Variants in SLC27A6 observed in about 807,000 individuals in gnomAD.
SLC27A6 encodes solute carrier family 27 member 6.
A neutral mutation model predicts 63.9 loss-of-function variants in SLC27A6; 74 were observed. The observed-to-expected ratio is 1.16, with a 90% CI of 0.96 to 1.40. SLC27A6 has a LOEUF of 1.40. Among genes scored for constraint, SLC27A6 ranks in the 40% most tolerant of loss-of-function variants. SLC27A6 has a pLI of 0.00. For synonymous variants in SLC27A6, 287 were observed against 260.8 expected, an observed-to-expected ratio of 1.10 and a Z score of -0.97; for missense variants, 794 against 732.9, an observed-to-expected ratio of 1.08 and a Z score of -0.96.
intron 4 of SLC27A6, among the ~76,000 whole-genome samples, chr5:128,994,684 T>C (rs1751095161): frequency 6.6e-6 from 1 of 152,184 alleles, no homozygotes; most frequent in Admixed American, 6.5e-5. Context: ...AGCAAAACCA[T>C]GTGGTTTTAA....
chr5:128,997,356 C>T (rs1460374445), intron 4 of SLC27A6, among the ~76,000 whole-genome samples: 1 of 151,700 alleles, frequency 6.6e-6, no homozygotes, highest in African/African-American at 2.4e-5. Context: ...CTTTCAAAAC[C>T]CAGTTTTCCT....
chr5:129,011,539 A>C lies in SLC27A6; in HGVS notation c.970-4346A>C, dbSNP rs142205190. Among the ~76,000 whole-genome samples, 17 of 152,326 alleles carry C rather than the reference A, an allele frequency of 1.1e-4. No individual in the cohort carries two copies. In the East Asian group the frequency reaches 3.3e-3, roughly 29 times the overall value. ...TGCTTGACTGGCTCACCATATTTCCATAAAACTGGTTAGTAAGGAAAGAAT... is the reference window on the plus strand; with the variant it reads ...TGCTTGACTGGCTCACCATATTTCCCTAAAACTGGTTAGTAAGGAAAGAAT... On this transcript the variant is annotated intron_variant, in intron 4 of 9. Transcript: ENST00000262462.
At chr5:128,996,894 G>A (rs1193097208) in intron 4 of SLC27A6, among the ~76,000 whole-genome samples, 1 of 152,090 alleles carries the variant, frequency 6.6e-6, no homozygotes, top group Non-Finnish European at 1.5e-5. Context: ...GTTACTTTTT[G>A]AATGGGACCA....
rs1268453204 is a variant in SLC27A6, at chr5:129,015,708, G to A, written c.970-177G>A. ...ACACAAACTGTATTATTCTTGACCA[G>A]TGTTACTTTCATTAGGATTTGGACA... On this transcript the variant is annotated intron_variant, in intron 4 of 9. Coordinates refer to ENST00000262462, the MANE Select transcript of SLC27A6 (RefSeq NM_001017372.3). 6.6e-5 allele frequency among the ~76,000 whole-genome samples: 10 copies of A among 152,140 alleles called. No individual in the cohort carries two copies. The East Asian group carries it at 1.9e-3, about 29-fold the overall frequency.
chr5:129,009,376 T>A (rs964779848), intron 4 of SLC27A6, among the ~76,000 whole-genome samples: 2 of 152,142 alleles, frequency 1.3e-5, no homozygotes, highest in Admixed American at 6.5e-5. Context: ...TTAACTGTCG[T>A]CTACCTGGCT....
At chr5:128,991,018 G>A (rs1023783176) in intron 4 of SLC27A6, among the ~76,000 whole-genome samples, 1 of 152,198 alleles carries the variant, frequency 6.6e-6, no homozygotes, top group African/African-American at 2.4e-5. Context: ...AGAGTATGCA[G>A]TTGCAAGATT....
intron 1 of SLC27A6, among the ~76,000 whole-genome samples, chr5:128,967,540 C>A (rs1749952228): frequency 1.3e-5 from 2 of 152,100 alleles, no homozygotes; most frequent in South Asian, 4.1e-4. Flanking sequence ...AGTTTTTAAA[C>A]TCACAGAACA....
chr5:129,007,464 A>AAT, intron 4 of SLC27A6, among the ~76,000 whole-genome samples: 1 of 84,152 alleles, frequency 1.2e-5, no homozygotes, highest in Non-Finnish European at 3.3e-5. Context: ...AAAAAAAAAA[A>AAT]ATATAATGTT....
Position 129,027,579 on chromosome 5 carries a change from A to G in SLC27A6, c.1454+248A>G, listed in dbSNP as rs1752286325. Among the ~76,000 whole-genome samples the G allele has an allele frequency of 2.0e-5, 3 of 152,138 alleles. No homozygotes were observed. The South Asian group carries it at 6.2e-4, about 31-fold the overall frequency. On this transcript the variant is annotated intron_variant, in intron 7 of 9. Transcript: ENST00000262462. ...AATCAGTGAGCTCCTTTTTAAGGAA[A>G]TAAAACTGGCAGACAGATGTAAAAT... is the stretch of plus-strand genomic sequence containing the variant.
In SLC27A6 at chr5:128,985,145, C is replaced by T. The variant is rs751633409; in HGVS notation, c.494C>T (p.Thr165Met). ...CTTTGGCTTTTAGATTTGCTTGGAACGGTAGAAGAAATCCTTCCAAGCCTC... is the reference window on the plus strand; with the variant it reads ...CTTTGGCTTTTAGATTTGCTTGGAATGGTAGAAGAAATCCTTCCAAGCCTC... ...ALVVGADLLG[T>M]VEEILPSLSE... The change falls in exon 2 of 10, where the codon ACG (threonine) becomes ATG (methionine). Residue 165 changes from threonine (T) to methionine (M), a missense_variant. By Grantham distance (81) the Thr-to-Met change is moderately conservative. Coordinates refer to ENST00000262462, the MANE Select transcript of SLC27A6 (RefSeq NM_001017372.3). 4.3e-5 allele frequency: 70 copies of T among 1,612,858 alleles called. 1 individual carries two copies. Among genetic ancestry groups the T allele is most frequent in the South Asian group, 2.1e-4 (19 of 90,996 alleles).
intron 5 of SLC27A6, among the ~76,000 whole-genome samples, chr5:129,017,810 T>C (rs996342586): frequency 6.6e-6 from 1 of 152,188 alleles, no homozygotes; most frequent in Non-Finnish European, 1.5e-5. Context: ...AGAATTATTT[T>C]ATCACACTAA....
At chr5:128,983,289 G>GT (rs1195794733) in intron 1 of SLC27A6, among the ~76,000 whole-genome samples, 5,451 of 110,952 alleles carry the variant, frequency 0.049, 571 homozygotes, top group African/African-American at 0.17. Flanking sequence ...TCTGATCCGG[G>GT]TTTTTTTTTT....
chr5:129,015,202 T>TA (rs539663801), intron 4 of SLC27A6, among the ~76,000 whole-genome samples: 22 of 152,302 alleles, frequency 1.4e-4, no homozygotes, highest in Middle Eastern at 3.4e-3. Flanking sequence ...TCATGTTAGT[T>TA]AAAACATTAC....
intron 1 of SLC27A6, among the ~76,000 whole-genome samples, chr5:128,970,260 A>G (rs1219794188): frequency 6.6e-6 from 1 of 152,174 alleles, no homozygotes; most frequent in African/African-American, 2.4e-5. Flanking sequence ...CTTTGGTATC[A>G]GGATGATGTT....
rs200204402 is a variant in SLC27A6, at chr5:128,972,632, CCT to C, written c.481+6019_481+6020del. Among the ~76,000 whole-genome samples, 1,511 of 152,276 alleles carry C rather than the reference CCT, an allele frequency of 9.9e-3. 15 individuals carry two copies. The highest frequency in any genetic ancestry group is 0.016 in the Admixed American group (249 of 15,294). On this transcript the variant is annotated intron_variant, in intron 1 of 9. Coordinates refer to ENST00000262462, the MANE Select transcript of SLC27A6 (RefSeq NM_001017372.3). Reference sequence around the variant, plus strand: ...TCAGCTCCATCATGTCATTTAAAGTCCTCTCTATGCTGTTTATTCTAATTAGC... The same window carrying C: ...TCAGCTCCATCATGTCATTTAAAGTCCTCTATGCTGTTTATTCTAATTAGC...
Position 129,033,382 on chromosome 5 carries a change from G to T in SLC27A6, c.*100G>T. ...GGGAAAGGGAGCTAACATTAATTAT[G>T]CATGTACTATATTTCCTTAATATGA... On this transcript the variant is annotated 3_prime_UTR_variant, in exon 10 of 10. Coordinates refer to ENST00000262462, the MANE Select transcript of SLC27A6 (RefSeq NM_001017372.3). 3.3e-6 allele frequency: 2 copies of T among 602,690 alleles called. No homozygotes were observed. Among genetic ancestry groups the T allele is most frequent in the South Asian group, 5.9e-5 (2 of 33,778 alleles). 37.3% of individuals were successfully genotyped at this position (602,690 alleles called of 1,614,324 possible). A position where few individuals can be genotyped will look rare whatever the true frequency, so the allele number is the denominator to read the frequency against.
At chr5:128,985,408 C>A in intron 2 of SLC27A6, 72 bp downstream of exon 2, 1 of 1,280,526 alleles carries the variant, frequency 7.8e-7, no homozygotes, top group South Asian at 1.2e-5. Context: ...GGGCAAATTT[C>A]TACCATGTGT....
rs748138027 is a variant in SLC27A6, at chr5:129,029,556, C to T, written c.1553-21C>T. On this transcript the variant is annotated intron_variant, in intron 8 of 9. Transcript: ENST00000262462. ...GTTTATTTGGTACTTAAAAATGACTCTATTTCAAACTTTTTTTCAGGTTAT... is the reference window on the plus strand; with the variant it reads ...GTTTATTTGGTACTTAAAAATGACTTTATTTCAAACTTTTTTTCAGGTTAT... The T allele has an allele frequency of 3.3e-6, 5 of 1,526,148 alleles. No individual in the cohort carries two copies. The South Asian group carries it at 6.1e-5, about 19-fold the overall frequency. The allele number at this position is 1,526,148 out of a possible 1,614,324, so 94.5% of individuals were successfully genotyped here. A position where few individuals can be genotyped will look rare whatever the true frequency, so the allele number is the denominator to read the frequency against.
chr5:128,970,135 G>A (rs2150126166), intron 1 of SLC27A6, among the ~76,000 whole-genome samples: 1 of 148,282 alleles, frequency 6.7e-6, no homozygotes, highest in East Asian at 1.9e-4. Flanking sequence ...TGGTGGATAA[G>A]CTTTTTGATG....
Sources: allele counts gnomAD v4.1 joint callset (sites outside exome capture counted in the v4.1 genomes callset), GRCh38; gene constraint gnomAD v4.1.1; transcripts MANE v1.5; gene names NCBI Gene and HGNC (gene_info 2026-07-23, HGNC 2026-07-21).